Variants in ASTN2 observed in about 807,000 individuals in gnomAD.
The protein encoded by ASTN2 is astrotactin-2.
ASTN2 carries 54 observed loss-of-function variants against 139.8 expected under a neutral mutation model. That is an observed-to-expected ratio of 0.39 (90% CI 0.31 to 0.48). The LOEUF is 0.48. Among genes scored for constraint, ASTN2 ranks in the 20% least tolerant of loss-of-function variants. ASTN2 has a pLI of 0.95. For missense variants in ASTN2, 1,565 were observed against 1,725.1 expected, an observed-to-expected ratio of 0.91 and a Z score of 1.64; for synonymous variants, 756 against 719.5, an observed-to-expected ratio of 1.05 and a Z score of -0.81.
At chr9:117,207,061 G>A (rs1213554614) in intron 3 of ASTN2, among the ~76,000 whole-genome samples, 1 of 151,992 alleles carries the variant, frequency 6.6e-6, no homozygotes, top group East Asian at 1.9e-4. Context: ...GCCACTCCTT[G>A]TGGACATTCC....
intron 6 of ASTN2, among the ~76,000 whole-genome samples, chr9:117,026,694 C>A (rs1241107893): frequency 6.6e-6 from 1 of 151,412 alleles, no homozygotes; most frequent in Non-Finnish European, 1.5e-5. Context: ...CTCAGATTCA[C>A]CTTTCACATT....
chr9:116,674,627 T>C (rs1190474005), intron 16 of ASTN2, among the ~76,000 whole-genome samples: 1 of 152,214 alleles, frequency 6.6e-6, no homozygotes, highest in Non-Finnish European at 1.5e-5. Flanking sequence ...CCAAATCTTT[T>C]ACTGAAGCTA....
chr9:117,406,381 C>A (rs1387745435), intron 1 of ASTN2, among the ~76,000 whole-genome samples: 1 of 152,164 alleles, frequency 6.6e-6, no homozygotes, highest in East Asian at 1.9e-4. Context: ...TAAAATTCTA[C>A]AGAGCTCTTG....
intron 10 of ASTN2, among the ~76,000 whole-genome samples, chr9:116,873,818 A>G (rs760218741): frequency 6.6e-6 from 1 of 152,078 alleles, no homozygotes; most frequent in Non-Finnish European, 1.5e-5. Context: ...AGTGTGTAGC[A>G]CTTGCTCCTT....
chr9:117,192,166 T>C (rs975870335), intron 3 of ASTN2, among the ~76,000 whole-genome samples: 31 of 152,224 alleles, frequency 2.0e-4, no homozygotes, highest in African/African-American at 7.2e-4. Context: ...TCCTGTCTGT[T>C]GGAGGCATTG....
chr9:116,805,239 T>C (rs1831000258), intron 13 of ASTN2, among the ~76,000 whole-genome samples: 1 of 152,066 alleles, frequency 6.6e-6, no homozygotes, highest in Non-Finnish European at 1.5e-5. Flanking sequence ...GGTGATGCGA[T>C]TTTTATTTTC....
chr9:117,304,395 T>C (rs1200801693), intron 1 of ASTN2, among the ~76,000 whole-genome samples: 2 of 152,172 alleles, frequency 1.3e-5, no homozygotes, highest in Non-Finnish European at 2.9e-5. Flanking sequence ...TCTCTGAGCT[T>C]CTTAAAACTA....
At chr9:116,859,972 C>G (rs1176609341) in intron 11 of ASTN2, among the ~76,000 whole-genome samples, 3 of 152,234 alleles carry the variant, frequency 2.0e-5, no homozygotes, top group Non-Finnish European at 4.4e-5. Flanking sequence ...ACAGAGCCAG[C>G]TGGCCTTAAA....
At chr9:116,904,283 G>A (rs1834098788) in intron 10 of ASTN2, among the ~76,000 whole-genome samples, 1 of 152,176 alleles carries the variant, frequency 6.6e-6, no homozygotes, top group African/African-American at 2.4e-5. Flanking sequence ...GCTGCAGAAG[G>A]CTCCTATGTC....
intron 2 of ASTN2, among the ~76,000 whole-genome samples, chr9:117,264,171 A>G (rs966226339): frequency 6.6e-6 from 1 of 151,688 alleles, no homozygotes; most frequent in Admixed American, 6.6e-5. Flanking sequence ...AAAATCTACA[A>G]TTTTTTTTTC....
intron 10 of ASTN2, among the ~76,000 whole-genome samples, chr9:116,894,161 C>A (rs1833829929): frequency 6.6e-6 from 1 of 152,140 alleles, no homozygotes; most frequent in Admixed American, 6.5e-5. Flanking sequence ...ATTTACTTGC[C>A]AGTTCCTAGA....
At chr9:117,387,174 T>C (rs1262963691) in intron 1 of ASTN2, among the ~76,000 whole-genome samples, 1 of 152,190 alleles carries the variant, frequency 6.6e-6, no homozygotes, top group Non-Finnish European at 1.5e-5. Context: ...GCTGAGCACC[T>C]GGTATACAGA....
At chr9:117,008,376 T>C (rs1215602020) in intron 6 of ASTN2, 117 bp from the exon 7 acceptor site, 1 of 920,046 alleles carries the variant, frequency 1.1e-6, no homozygotes, top group Non-Finnish European at 1.5e-6. Flanking sequence ...ATCTCATTTG[T>C]CTAAGTGCAC....
At position 116,923,529 on chromosome 9, in the gene ASTN2, T is replaced by C. The variant is rs1429410974; in HGVS notation, c.1889+51679A>G. ...GTTATGAGAAAAGGTGAGTGAGGAG[T>C]AGATAGCTATACAAAACTATTTTGT... On this transcript the variant is annotated intron_variant, in intron 10 of 22. Transcript: ENST00000313400. Among the ~76,000 whole-genome samples, 3 of 152,028 alleles carry C rather than the reference T, an allele frequency of 2.0e-5. 1 individual carries two copies. Among genetic ancestry groups the C allele is most frequent in the Non-Finnish European group, 4.4e-5 (3 of 68,000 alleles).
At chr9:117,156,262 G>A (rs561743704) in intron 3 of ASTN2, among the ~76,000 whole-genome samples, 96 of 152,092 alleles carry the variant, frequency 6.3e-4, no homozygotes, top group African/African-American at 2.3e-3. Context: ...CTGCTAAAGG[G>A]TTTTGAAGTT....
At chr9:117,194,271 A>C (rs1394365563) in intron 3 of ASTN2, among the ~76,000 whole-genome samples, 3 of 152,148 alleles carry the variant, frequency 2.0e-5, no homozygotes, top group Non-Finnish European at 2.9e-5. Flanking sequence ...TCTCTGGGAA[A>C]GAAATGTCTC....
chr9:117,397,654 A>T (rs978352499), intron 1 of ASTN2, among the ~76,000 whole-genome samples: 2 of 152,252 alleles, frequency 1.3e-5, no homozygotes, highest in Non-Finnish European at 2.9e-5. Flanking sequence ...ACGTATTTTA[A>T]GTTAAAATGA....
At chr9:116,595,912 C>A (rs1854552429) in intron 19 of ASTN2, among the ~76,000 whole-genome samples, 1 of 152,154 alleles carries the variant, frequency 6.6e-6, no homozygotes, top group African/African-American at 2.4e-5. Context: ...GATGATCCAG[C>A]AATCCCACTT....
intron 20 of ASTN2, among the ~76,000 whole-genome samples, chr9:116,459,827 T>C (rs926898602): frequency 3.9e-5 from 6 of 152,114 alleles, no homozygotes; most frequent in Non-Finnish European, 2.9e-5. Flanking sequence ...TGCAGCCATA[T>C]TGGAAAACAG....
Sources: allele counts gnomAD v4.1 joint callset (sites outside exome capture counted in the v4.1 genomes callset), GRCh38; gene constraint gnomAD v4.1.1; transcripts MANE v1.5; gene names NCBI Gene and HGNC (gene_info 2026-07-23, HGNC 2026-07-21).